BMP6: variants seen among roughly 807,000 people sequenced by gnomAD.
BMP6 encodes the protein VG-1-R.
BMP6 carries 17 observed loss-of-function variants against 54.1 expected under a neutral mutation model. The ratio of observed to expected loss-of-function variants is 0.31; its 90% CI spans 0.22 to 0.47. BMP6 has a LOEUF of 0.47. Ranked by LOEUF, BMP6 falls within the 20% of genes least tolerant of loss-of-function variation. The probability of loss-of-function intolerance (pLI) is 1.00; values close to 1 mark genes in which losing one functional copy is unlikely to be tolerated. For synonymous variants in BMP6, 328 were observed against 291.2 expected, an observed-to-expected ratio of 1.13 and a Z score of -1.28; for missense variants, 720 against 690.4, an observed-to-expected ratio of 1.04 and a Z score of -0.48.
intron 1 of BMP6, among the ~76,000 whole-genome samples, chr6:7,794,440 T>A (rs1305078688): frequency 6.6e-6 from 1 of 151,944 alleles, no homozygotes. Flanking sequence ...CTACTAAAAA[T>A]TTTTTTAAAA....
intron 1 of BMP6, among the ~76,000 whole-genome samples, chr6:7,743,611 C>T (rs754619734): frequency 2.0e-5 from 3 of 152,154 alleles, no homozygotes; most frequent in Non-Finnish European, 4.4e-5. Context: ...GTGATGTTTT[C>T]GTGGCCCCTT....
chr6:7,863,726 G>A (rs1000277830), intron 4 of BMP6, among the ~76,000 whole-genome samples: 1 of 152,134 alleles, frequency 6.6e-6, no homozygotes, highest in African/African-American at 2.4e-5. Flanking sequence ...TCCTTCAGAA[G>A]TGTTCTCCCT....
At chr6:7,862,545 A>G (rs1227930260) in intron 4 of BMP6, 47 bp downstream of exon 4, 8 of 1,606,000 alleles carry the variant, frequency 5.0e-6, no homozygotes, top group African/African-American at 1.3e-5. Flanking sequence ...TGTTGGCCTC[A>G]GTGAGAACAA....
chr6:7,751,275 G>A (rs1235593190), intron 1 of BMP6, among the ~76,000 whole-genome samples: 3 of 152,190 alleles, frequency 2.0e-5, no homozygotes, highest in Non-Finnish European at 2.9e-5. Context: ...GCAAAGAAAT[G>A]GAGCTCAGAT....
At chr6:7,735,638 T>G (rs1336293503) in intron 1 of BMP6, among the ~76,000 whole-genome samples, 1 of 152,158 alleles carries the variant, frequency 6.6e-6, no homozygotes, top group Non-Finnish European at 1.5e-5. Flanking sequence ...GAGCAAAATT[T>G]TGCAGAGATT....
rs1380025494 is a variant in BMP6 at position 7,875,332 on chromosome 6, C to CTT, written c.1205-3741_1205-3740insTT. ...AGGTCTATTTTACTCAGTCTACTGA[C>CTT]TCAAATACTTATTTCTTCCAGAAAT... On this transcript the variant is annotated intron_variant, in intron 4 of 6. Transcript: ENST00000283147. Among the ~76,000 whole-genome samples, 5 of 152,178 alleles carry CTT rather than the reference C, an allele frequency of 3.3e-5. No individual in the cohort carries two copies. The East Asian group carries it at 9.6e-4, about 29-fold the overall frequency.
intron 1 of BMP6, among the ~76,000 whole-genome samples, chr6:7,759,079 G>C (rs932075485): frequency 6.6e-6 from 1 of 152,226 alleles, no homozygotes; most frequent in African/African-American, 2.4e-5. Flanking sequence ...TGAATGGTTA[G>C]ATGGTATAAG....
chr6:7,816,307 C>T (rs372185305), intron 1 of BMP6, among the ~76,000 whole-genome samples: 3 of 152,186 alleles, frequency 2.0e-5, no homozygotes, highest in Non-Finnish European at 1.5e-5. Context: ...GTGGGCTCTT[C>T]GTTTAATCCC....
At chr6:7,786,074 T>C (rs1758015259) in intron 1 of BMP6, among the ~76,000 whole-genome samples, 1 of 152,230 alleles carries the variant, frequency 6.6e-6, no homozygotes, top group African/African-American at 2.4e-5. Flanking sequence ...CCCGGCCTCC[T>C]AGTAGAGGGA....
At chr6:7,741,095 C>T (rs1191165233) in intron 1 of BMP6, among the ~76,000 whole-genome samples, 1 of 152,096 alleles carries the variant, frequency 6.6e-6, no homozygotes, top group Non-Finnish European at 1.5e-5. Flanking sequence ...GTGATTTTGC[C>T]TATTTACCTG....
intron 1 of BMP6, among the ~76,000 whole-genome samples, chr6:7,768,184 A>G (rs1335773912): frequency 2.6e-5 from 4 of 152,068 alleles, no homozygotes; most frequent in Non-Finnish European, 5.9e-5. Flanking sequence ...GCTCTGGTGT[A>G]TTGCAAACCA....
intron 1 of BMP6, among the ~76,000 whole-genome samples, chr6:7,834,534 A>T (rs2757568): frequency 0.51 from 76,208 of 150,666 alleles, 19,566 homozygotes; most frequent in East Asian, 0.73. Context: ...TTTTTTTTTT[A>T]AAATCATTGA....
chr6:7,865,870 A>G (rs915359070), intron 4 of BMP6, among the ~76,000 whole-genome samples: 2 of 152,186 alleles, frequency 1.3e-5, no homozygotes, highest in African/African-American at 2.4e-5. Flanking sequence ...GGATCGTCCT[A>G]CATCTGGGTA....
intron 1 of BMP6, among the ~76,000 whole-genome samples, chr6:7,839,228 A>T (rs1758925615): frequency 6.6e-6 from 1 of 152,148 alleles, no homozygotes; most frequent in South Asian, 2.1e-4. Flanking sequence ...GCAGTGGTGT[A>T]ATCATAGCTC....
intron 4 of BMP6, among the ~76,000 whole-genome samples, chr6:7,874,512 T>C (rs1320334086): frequency 2.6e-5 from 4 of 152,084 alleles, no homozygotes; most frequent in Non-Finnish European, 5.9e-5. Flanking sequence ...TCCCAGCACC[T>C]TGGGAGGCTA....
chr6:7,810,259 C>A (rs1222142120), intron 1 of BMP6, among the ~76,000 whole-genome samples: 1 of 152,134 alleles, frequency 6.6e-6, no homozygotes, highest in African/African-American at 2.4e-5. Context: ...ACCCCCCAAC[C>A]CACCCTCAAA....
At chr6:7,771,365 C>T (rs540826805) in intron 1 of BMP6, among the ~76,000 whole-genome samples, 1 of 152,190 alleles carries the variant, frequency 6.6e-6, no homozygotes, top group Non-Finnish European at 1.5e-5. Flanking sequence ...GCCTTGGTGT[C>T]TGCTGCTGTG....
At chr6:7,778,324 T>C (rs1212847850) in intron 1 of BMP6, among the ~76,000 whole-genome samples, 1 of 152,254 alleles carries the variant, frequency 6.6e-6, no homozygotes, top group Non-Finnish European at 1.5e-5. Context: ...AACATCGTAC[T>C]CTGTTCTTTA....
At chr6:7,854,768 T>C (rs1759199682) in intron 2 of BMP6, among the ~76,000 whole-genome samples, 1 of 152,158 alleles carries the variant, frequency 6.6e-6, no homozygotes, top group South Asian at 2.1e-4. Flanking sequence ...CCAGCCTGGG[T>C]GACAGAGCAA....
Sources: gnomAD v4.1 joint callset for allele counts (sites outside exome capture counted in the v4.1 genomes callset) on GRCh38, gnomAD v4.1.1 for gene constraint, MANE v1.5 for transcripts, NCBI Gene and HGNC (gene_info 2026-07-23, HGNC 2026-07-21) for gene names.